Variants in IBTK observed in about 807,000 individuals in gnomAD.
The protein encoded by IBTK is BTK-binding protein.
IBTK carries 83 observed loss-of-function variants against 154.9 expected under a neutral mutation model. The observed-to-expected ratio is 0.54, with a 90% CI of 0.45 to 0.64. The LOEUF is 0.64. Among genes scored for constraint, IBTK ranks in the 30% least tolerant of loss-of-function variants. The pLI, the probability that IBTK is intolerant of heterozygous loss-of-function variation, is 0.00. For synonymous variants in IBTK, 515 were observed against 536.1 expected (o/e 0.96, Z 0.54); for missense variants, 1,332 against 1,584.6 (o/e 0.84, Z 2.71).
In IBTK at chr6:82,170,306, A is replaced by G. The variant is rs867251732; in HGVS notation, c.*1119T>C. On this transcript the variant is annotated 3_prime_UTR_variant, in exon 29 of 29. Transcript: ENST00000306270. ...GTCTGCTGCTTTTGGGCAGAGTTAA[A>G]CCTGACATATTGAGTCAGTTTCCGT... The G allele has an allele frequency of 6.6e-6, 1 of 152,642 alleles. No individual in the cohort carries two copies. Among genetic ancestry groups the G allele is most frequent in the South Asian group, 2.1e-4 (1 of 4,830 alleles). The allele number at this position is 152,642 out of a possible 1,614,324, so 9.5% of individuals were successfully genotyped here. A position where few individuals can be genotyped will look rare whatever the true frequency, so the allele number is the denominator to read the frequency against.
chr6:82,237,556 C>T (rs867172108), intron 2 of IBTK, among the ~76,000 whole-genome samples: 1 of 150,278 alleles, frequency 6.7e-6, no homozygotes, highest in Non-Finnish European at 1.5e-5. Context: ...GTAGTAGCAG[C>T]AGCAGCAGCA....
intron 4 of IBTK, among the ~76,000 whole-genome samples, chr6:82,229,509 CCAAT>C (rs1324757118): frequency 1.3e-5 from 2 of 152,040 alleles, no homozygotes; most frequent in African/African-American, 4.8e-5. Context: ...TGCCACAATT[CCAAT>C]CAATCATTAG....
At chr6:82,206,997 T>C (rs1409628844) in intron 16 of IBTK, among the ~76,000 whole-genome samples, 3 of 152,136 alleles carry the variant, frequency 2.0e-5, no homozygotes, top group African/African-American at 7.2e-5. Context: ...GTAAAAAGGC[T>C]GAATGCTTTT....
At chr6:82,220,778 A>C in intron 8 of IBTK, 65 bp from the exon 9 acceptor site, 1 of 1,265,640 alleles carries the variant, frequency 7.9e-7, no homozygotes, top group Non-Finnish European at 1.1e-6. Context: ...CTAAACTTCA[A>C]AGAAGTTAGT....
intron 2 of IBTK, among the ~76,000 whole-genome samples, chr6:82,236,848 T>A (rs905077615): frequency 1.3e-5 from 2 of 152,094 alleles, no homozygotes; most frequent in African/African-American, 4.8e-5. Context: ...TAAAAAAATA[T>A]GCTGAACAAA....
chr6:82,185,723 A>G (rs1242092386), intron 25 of IBTK, among the ~76,000 whole-genome samples: 1 of 152,084 alleles, frequency 6.6e-6, no homozygotes, highest in Non-Finnish European at 1.5e-5. Context: ...ATGAAAAATT[A>G]TATCATATTA....
intron 2 of IBTK, among the ~76,000 whole-genome samples, chr6:82,237,661 GGTAGTAGTA>G (rs34696525): frequency 1.4e-5 from 2 of 143,674 alleles, no homozygotes; most frequent in Non-Finnish European, 3.1e-5. Context: ...AGATAGTAGT[GGTAGTAGTA>G]GTAGTAGTAG....
At position 82,196,278 on chromosome 6, in the gene IBTK, T is replaced by C. The variant is rs776170222; in HGVS notation, c.3174+20A>G. 7 of 1,567,156 alleles carry C rather than the reference T, an allele frequency of 4.5e-6. No individual in the cohort carries two copies. The highest frequency in any genetic ancestry group is 2.7e-5 in the African/African-American group (2 of 73,438). ...AATCTAAAATCTGAAGGTAAGGAGGTAGTGCTTCAAAAAACAAACCTCAAT... is the reference window on the plus strand; with the variant it reads ...AATCTAAAATCTGAAGGTAAGGAGGCAGTGCTTCAAAAAACAAACCTCAAT... On this transcript the variant is annotated intron_variant, in intron 22 of 28. Transcript: ENST00000306270.
rs1232156702 is a variant in IBTK at position 82,234,677 on chromosome 6, C to G, written c.322-422G>C. On this transcript the variant is annotated intron_variant, in intron 2 of 28. Transcript: ENST00000306270. Reference sequence around the variant, plus strand: ...GTATCAAAAAGTCAGATAATCAACCCCATAAATACACTGAAAAAAAATTTA... The same window carrying G: ...GTATCAAAAAGTCAGATAATCAACCGCATAAATACACTGAAAAAAAATTTA... 2.6e-5 allele frequency among the ~76,000 whole-genome samples: 4 copies of G among 152,040 alleles called. No homozygotes were observed. The East Asian group carries it at 7.8e-4, about 29-fold the overall frequency.
intron 25 of IBTK, among the ~76,000 whole-genome samples, chr6:82,182,898 T>G (rs1413514980): frequency 2.0e-5 from 3 of 152,092 alleles, no homozygotes; most frequent in Non-Finnish European, 4.4e-5. Context: ...TGAAAGTAGG[T>G]CCTCTTCAAG....
In IBTK at chr6:82,212,835, C is replaced by T. The variant is rs1319618370; in HGVS notation, c.2205-42G>A. ...AAAATTAACAATTGATATTCCCCTA[C>T]AAAAATAAACATACAACAAAAAATC... is the stretch of plus-strand genomic sequence containing the variant. On this transcript the variant is annotated intron_variant, in intron 12 of 28. Coordinates refer to ENST00000306270, the MANE Select transcript of IBTK (RefSeq NM_015525.4). 6 of 1,082,470 alleles carry T rather than the reference C, an allele frequency of 5.5e-6. No homozygotes were observed. In the Admixed American group the frequency reaches 7.0e-5, roughly 13 times the overall value. The allele number at this position is 1,082,470 out of a possible 1,614,324, so 67.1% of individuals were successfully genotyped here. A position where few individuals can be genotyped will look rare whatever the true frequency, so the allele number is the denominator to read the frequency against.
chr6:82,220,681 C>G lies in IBTK; in HGVS notation c.1157G>C (p.Gly386Ala). Residue 386 changes from glycine to alanine, a missense_variant, in exon 9 of 29, where the codon GGG becomes GCG. Around this residue, in one of 3 missense-constraint regions of IBTK, gnomAD observed 1,134 missense variants for 1,274.7 expected, o/e 0.89. Coordinates refer to ENST00000306270, the MANE Select transcript of IBTK (RefSeq NM_015525.4). Reference sequence around the variant, plus strand: ...ATCAACCTTGTATTCCATATGACCCCCAGACACAAGAACTTTTTTCAAGTT... The same window carrying G: ...ATCAACCTTGTATTCCATATGACCCGCAGACACAAGAACTTTTTTCAAGTT... ...QLNLKKVLVSGGHMEYKVDPE... is the reference protein window; with the variant it reads ...QLNLKKVLVSAGHMEYKVDPE... 1 of 1,600,482 alleles carries G rather than the reference C, an allele frequency of 6.2e-7. No individual in the cohort carries two copies. The highest frequency in any genetic ancestry group is 1.1e-5 in the South Asian group (1 of 88,216).
chr6:82,174,805 C>A, intron 26 of IBTK: 1 of 360,814 alleles, frequency 2.8e-6, no homozygotes. Context: ...TATAATTTGT[C>A]TGATTAACAA....
At chr6:82,220,212 A>T (rs112336578) in intron 9 of IBTK, among the ~76,000 whole-genome samples, 17 of 152,322 alleles carry the variant, frequency 1.1e-4, no homozygotes, top group East Asian at 1.9e-4. Context: ...TGTCTCAAAA[A>T]AAATAAATAA....
At chr6:82,191,720 T>TA in intron 24 of IBTK, 67 bp downstream of exon 24, 1 of 957,908 alleles carries the variant, frequency 1.0e-6, no homozygotes, top group Non-Finnish European at 1.7e-6. Context: ...AAAGATGCAG[T>TA]AAGTCTGTCC....
intron 4 of IBTK, among the ~76,000 whole-genome samples, chr6:82,229,360 C>A (rs1770416599): frequency 6.6e-6 from 1 of 152,274 alleles, no homozygotes; most frequent in South Asian, 2.1e-4. Context: ...TTGGATCAGA[C>A]ATTTCAATCA....
chr6:82,191,076 G>T lies in IBTK; in HGVS notation c.3572C>A (p.Ala1191Glu). ...TPSKAPKPVN[A>E]WASSLHSVSS... ...TTTAATAAAAATAAGAGCATACCAT[G>T]CATTCACTGGTTTGGGGGCTTTTGA... Residue 1191 changes from alanine to glutamate, a missense_variant, in exon 25 of 29, where the codon GCA becomes GAA. Ala to Glu is a moderately radical substitution (Grantham distance 107). Coordinates refer to ENST00000306270, the MANE Select transcript of IBTK (RefSeq NM_015525.4). 6.5e-7 allele frequency: 1 copy of T among 1,543,768 alleles called. No individual in the cohort carries two copies. Among genetic ancestry groups the T allele is most frequent in the Non-Finnish European group, 8.7e-7 (1 of 1,145,428 alleles).
chr6:82,242,391 G>A (rs1199080447), intron 1 of IBTK, among the ~76,000 whole-genome samples: 2 of 151,230 alleles, frequency 1.3e-5, no homozygotes, highest in Non-Finnish European at 2.9e-5. Context: ...AAAATTAATG[G>A]CAATTACTTT....
intron 16 of IBTK, chr6:82,205,584 A>G (rs1769375684): frequency 6.6e-6 from 1 of 152,252 alleles, no homozygotes. Context: ...CCTGGCCAAC[A>G]TGGTGAACAT....
Sources: gnomAD v4.1 joint callset for allele counts (sites outside exome capture counted in the v4.1 genomes callset) on GRCh38, gnomAD v4.1.1 for gene constraint, gnomAD v4.1.1 regional missense constraint, MANE v1.5 for transcripts, NCBI Gene and HGNC (gene_info 2026-07-23, HGNC 2026-07-21) for gene names.